Variants in KIAA1328 observed in about 807,000 individuals in gnomAD.
KIAA1328 encodes protein hinderin.
Under a neutral mutation model 68.1 loss-of-function variants are expected in KIAA1328, and 52 were observed. The observed-to-expected ratio is 0.76, with a 90% CI of 0.61 to 0.96. The LOEUF is 0.96. Ranked by LOEUF, KIAA1328 falls within the 40% of genes least tolerant of loss-of-function variation. KIAA1328 has a pLI of 0.00. For synonymous variants in KIAA1328, 232 were observed against 239.4 expected (o/e 0.97, Z 0.28); for missense variants, 641 against 677.6 (o/e 0.95, Z 0.60).
chr18:37,105,627 T>C (rs2057749353), intron 7 of KIAA1328, among the ~76,000 whole-genome samples: 1 of 151,940 alleles, frequency 6.6e-6, no homozygotes, highest in Non-Finnish European at 1.5e-5. Flanking sequence ...TCAGGTTCTT[T>C]TGAATTATAG....
intron 4 of KIAA1328, among the ~76,000 whole-genome samples, chr18:36,883,140 C>G (rs977808343): frequency 6.6e-6 from 1 of 152,124 alleles, no homozygotes; most frequent in African/African-American, 2.4e-5. Flanking sequence ...CCATTCTAAA[C>G]TGGGAGGGAT....
chr18:37,045,528 G>A (rs187144222), intron 6 of KIAA1328, among the ~76,000 whole-genome samples: 593 of 149,476 alleles, frequency 4.0e-3, no homozygotes, highest in Non-Finnish European at 6.4e-3. Context: ...GCAAGTTTCC[G>A]TCATCTCATA....
chr18:37,192,127 T>C (rs903681491), intron 9 of KIAA1328, among the ~76,000 whole-genome samples: 3 of 149,852 alleles, frequency 2.0e-5, no homozygotes, highest in African/African-American at 7.4e-5. Flanking sequence ...TACTTACATC[T>C]AAAGATAAGT....
intron 5 of KIAA1328, among the ~76,000 whole-genome samples, chr18:36,946,724 A>G (rs1384919405): frequency 6.6e-6 from 1 of 152,232 alleles, no homozygotes; most frequent in African/African-American, 2.4e-5. Flanking sequence ...TAAATTAAAT[A>G]TAATGTTAGT....
chr18:36,989,450 A>C (rs1418641306), intron 6 of KIAA1328, among the ~76,000 whole-genome samples: 1 of 152,216 alleles, frequency 6.6e-6, no homozygotes, highest in South Asian at 2.1e-4. Flanking sequence ...ACAGTGTGTT[A>C]GAGAACAGAG....
chr18:37,021,713 A>C (rs2054352050), intron 6 of KIAA1328, among the ~76,000 whole-genome samples: 1 of 152,028 alleles, frequency 6.6e-6, no homozygotes, highest in Admixed American at 6.6e-5. Context: ...GTCTCTGTAC[A>C]GGGGAGCTTC....
intron 4 of KIAA1328, among the ~76,000 whole-genome samples, chr18:36,855,616 T>G (rs575472918): frequency 4.5e-4 from 69 of 152,170 alleles, no homozygotes; most frequent in Non-Finnish European, 8.8e-4. Flanking sequence ...TTCAGTTTCT[T>G]GGTGGTGTCC....
At chr18:37,155,799 A>G (rs952666491) in intron 7 of KIAA1328, among the ~76,000 whole-genome samples, 1 of 152,132 alleles carries the variant, frequency 6.6e-6, no homozygotes, top group Non-Finnish European at 1.5e-5. Flanking sequence ...CCTCCCTACC[A>G]CACACCCAAA....
chr18:36,888,011 G>C (rs2048557733), intron 5 of KIAA1328, among the ~76,000 whole-genome samples: 1 of 152,162 alleles, frequency 6.6e-6, no homozygotes, highest in Non-Finnish European at 1.5e-5. Flanking sequence ...CAAGTAGACT[G>C]TTATATTTAG....
At chr18:36,942,945 A>C (rs2050766652) in intron 5 of KIAA1328, among the ~76,000 whole-genome samples, 1 of 152,218 alleles carries the variant, frequency 6.6e-6, no homozygotes, top group African/African-American at 2.4e-5. Context: ...TCCAGGAATC[A>C]GCCCTAGAAA....
intron 6 of KIAA1328, among the ~76,000 whole-genome samples, chr18:37,052,841 A>T (rs1051006366): frequency 2.6e-5 from 4 of 152,204 alleles, no homozygotes; most frequent in African/African-American, 9.6e-5. Flanking sequence ...AATGTAACAG[A>T]GATGACAAAA....
intron 9 of KIAA1328, among the ~76,000 whole-genome samples, chr18:37,179,660 T>C (rs911601963): frequency 6.6e-6 from 1 of 152,182 alleles, no homozygotes; most frequent in East Asian, 1.9e-4. Flanking sequence ...GGGACCATAC[T>C]CTACCAATCC....
chr18:37,046,000 T>G (rs2055455491), intron 6 of KIAA1328, among the ~76,000 whole-genome samples: 1 of 152,184 alleles, frequency 6.6e-6, no homozygotes, highest in South Asian at 2.1e-4. Context: ...AACATGAAAT[T>G]TGCATTGTGT....
chr18:37,048,145 A>T (rs182649206), intron 6 of KIAA1328, among the ~76,000 whole-genome samples: 113 of 152,362 alleles, frequency 7.4e-4, no homozygotes, highest in African/African-American at 2.3e-3. Flanking sequence ...CAGCACTCAA[A>T]TAAGCGAACA....
At chr18:36,957,687 T>G (rs929305051) in intron 5 of KIAA1328, among the ~76,000 whole-genome samples, 26 of 152,140 alleles carry the variant, frequency 1.7e-4, no homozygotes, top group African/African-American at 5.6e-4. Context: ...AAACATCAAA[T>G]TATACTCTCT....
intron 6 of KIAA1328, among the ~76,000 whole-genome samples, chr18:37,046,355 TA>T (rs2055468006): frequency 6.6e-6 from 1 of 152,206 alleles, no homozygotes; most frequent in South Asian, 2.1e-4. Context: ...ATTTTATTTT[TA>T]GATGGCTTTT....
intron 5 of KIAA1328, among the ~76,000 whole-genome samples, chr18:36,951,093 A>T (rs1377827278): frequency 6.6e-6 from 1 of 152,108 alleles, no homozygotes; most frequent in Non-Finnish European, 1.5e-5. Flanking sequence ...CCTGTCCTTT[A>T]CTTGTTGTTA....
chr18:36,984,895 A>G (rs1204596231), intron 6 of KIAA1328, among the ~76,000 whole-genome samples: 1 of 117,794 alleles, frequency 8.5e-6, no homozygotes, highest in African/African-American at 3.3e-5. Flanking sequence ...ACAGAGCAAG[A>G]CTCCATCTCA....
intron 7 of KIAA1328, among the ~76,000 whole-genome samples, chr18:37,081,705 G>GT (rs1350221497): frequency 3.9e-5 from 6 of 152,114 alleles, no homozygotes; most frequent in Admixed American, 2.0e-4. Flanking sequence ...AAGAAATAAA[G>GT]TTTTTTTCCC....
Sources: gnomAD v4.1 joint callset for allele counts (sites outside exome capture counted in the v4.1 genomes callset) on GRCh38, gnomAD v4.1.1 for gene constraint, MANE v1.5 for transcripts, NCBI Gene and HGNC (gene_info 2026-07-23, HGNC 2026-07-21) for gene names.